The following PEX5L variants were observed in gnomAD, a reference collection of about 807,000 sequenced individuals.
PEX5L encodes PEX5-related protein.
Under a neutral mutation model 84.0 loss-of-function variants are expected in PEX5L, and 30 were observed. That is an observed-to-expected ratio of 0.36 (90% CI 0.27 to 0.48). The LOEUF (loss-of-function observed/expected upper bound fraction) is 0.48. PEX5L is among the 20% of genes least tolerant of loss of function. The pLI is 0.99. For missense variants in PEX5L, 533 were observed against 754.6 expected (o/e 0.71, Z 3.44); for synonymous variants, 270 against 283.1 (o/e 0.95, Z 0.46).
At chr3:179,964,061 AATTC>A (rs1353534347) in intron 2 of PEX5L, among the ~76,000 whole-genome samples, 1 of 152,046 alleles carries the variant, frequency 6.6e-6, no homozygotes, top group Admixed American at 6.6e-5. Flanking sequence ...ATTATCCATT[AATTC>A]ATTATTTCAT....
chr3:180,005,967 C>G (rs1356762929), intron 1 of PEX5L, among the ~76,000 whole-genome samples: 1 of 152,154 alleles, frequency 6.6e-6, no homozygotes, highest in East Asian at 1.9e-4. Context: ...CATGAAATAT[C>G]TAGGCATTAG....
chr3:179,988,463 G>A (rs1032316309), intron 1 of PEX5L, among the ~76,000 whole-genome samples: 1 of 151,658 alleles, frequency 6.6e-6, no homozygotes, highest in Admixed American at 6.6e-5. Context: ...ATTAAAGCAA[G>A]AAGCTAACCC....
At chr3:180,014,340 C>T (rs555154840) in intron 1 of PEX5L, among the ~76,000 whole-genome samples, 16 of 152,118 alleles carry the variant, frequency 1.1e-4, no homozygotes, top group African/African-American at 3.4e-4. Flanking sequence ...GGCGTGGTGG[C>T]GGGCGCCTGG....
chr3:179,879,755 C>T (rs1753603741), intron 5 of PEX5L, among the ~76,000 whole-genome samples, 174 bp downstream of exon 5: 1 of 152,192 alleles, frequency 6.6e-6, no homozygotes. Flanking sequence ...AAGTTGAGCT[C>T]CCCAATTGCT....
At position 179,823,537 on chromosome 3, in the gene PEX5L, C is replaced by A. The variant is rs1729280432; in HGVS notation, c.823-3561G>T. 2.0e-5 allele frequency among the ~76,000 whole-genome samples: 3 copies of A among 152,066 alleles called. No individual in the cohort carries two copies. The South Asian group carries it at 6.2e-4, about 32-fold the overall frequency. ...CCATCAGTTTTTAATGTACTTTTTACCATTTTCCAAATTTTCTATTGCTAG... is the reference window on the plus strand; with the variant it reads ...CCATCAGTTTTTAATGTACTTTTTAACATTTTCCAAATTTTCTATTGCTAG... On this transcript the variant is annotated intron_variant, in intron 8 of 14. Coordinates refer to ENST00000467460, the MANE Select transcript of PEX5L (RefSeq NM_016559.3).
intron 7 of PEX5L, among the ~76,000 whole-genome samples, chr3:179,869,492 C>T (rs984885530): frequency 1.4e-4 from 21 of 152,166 alleles, no homozygotes; most frequent in African/African-American, 5.1e-4. Context: ...CACCTCCAGT[C>T]ACTCTGATTA....
chr3:179,974,458 A>G (rs1013075764), intron 1 of PEX5L, among the ~76,000 whole-genome samples: 1 of 152,114 alleles, frequency 6.6e-6, no homozygotes, highest in African/African-American at 2.4e-5. Context: ...CCGAGGAGGG[A>G]GCATTAGTGC....
At chr3:179,814,076 C>T (rs1282326731) in intron 10 of PEX5L, among the ~76,000 whole-genome samples, 2 of 151,970 alleles carry the variant, frequency 1.3e-5, no homozygotes, top group African/African-American at 4.8e-5. Context: ...CCGCCTTAGC[C>T]TCCCAAAGTG....
At chr3:179,889,154 G>A (rs1009703467) in intron 3 of PEX5L, among the ~76,000 whole-genome samples, 4 of 152,104 alleles carry the variant, frequency 2.6e-5, no homozygotes, top group African/African-American at 9.7e-5. Flanking sequence ...GTGCTTTGGA[G>A]TATTACCAAA....
intron 8 of PEX5L, among the ~76,000 whole-genome samples, chr3:179,823,295 A>G (rs1729178433): frequency 6.6e-6 from 1 of 152,212 alleles, no homozygotes; most frequent in Non-Finnish European, 1.5e-5. Flanking sequence ...TAAGAAAATT[A>G]TGGTAAAACC....
intron 1 of PEX5L, among the ~76,000 whole-genome samples, chr3:179,986,949 C>A: frequency 6.6e-6 from 1 of 152,132 alleles, no homozygotes; most frequent in Non-Finnish European, 1.5e-5. Flanking sequence ...GACAAACTTT[C>A]AACTCAAGAA....
chr3:180,034,042 T>C (rs1240106777), intron 1 of PEX5L, among the ~76,000 whole-genome samples: 1 of 152,346 alleles, frequency 6.6e-6, no homozygotes, highest in South Asian at 2.1e-4. Flanking sequence ...TGAGAATTAA[T>C]AGACTTTATC....
At chr3:179,853,065 G>A (rs1577620250) in intron 8 of PEX5L, among the ~76,000 whole-genome samples, 1 of 152,162 alleles carries the variant, frequency 6.6e-6, no homozygotes, top group East Asian at 1.9e-4. Context: ...GAATAAAGAA[G>A]GAAGTCACAA....
intron 1 of PEX5L, among the ~76,000 whole-genome samples, chr3:180,023,792 A>G (rs2110516948): frequency 6.7e-6 from 1 of 149,970 alleles, no homozygotes; most frequent in African/African-American, 2.5e-5. Context: ...AGAGAGAGAG[A>G]GAGAGGGAGA....
At chr3:179,980,978 T>G (rs1309310302) in intron 1 of PEX5L, among the ~76,000 whole-genome samples, 4 of 150,964 alleles carry the variant, frequency 2.6e-5, no homozygotes, top group Non-Finnish European at 4.4e-5. Context: ...GAGCCGAGAT[T>G]GTACCACTGT....
chr3:179,815,938 T>A lies in PEX5L; in HGVS notation c.1006A>T (p.Arg336Trp). ...WPGAFEEGLK[R>W]LKEGDLPVTI... is the part of the protein sequence containing the mutation. ...ACTGGCAGATCCCCTTCCTTCAGCC[T>A]TTTTAAGCCTTCTTCAAATGCTCCA... Residue 336 changes from arginine to tryptophan, a missense_variant, in exon 10 of 15, where the codon AGG (arginine) becomes TGG (tryptophan). Physicochemically the swap from Arg to Trp is moderately radical, Grantham distance 101. Around this residue, in one of 8 missense-constraint regions of PEX5L, gnomAD observed 58 missense variants for 56.4 expected, o/e 1.03. Transcript: ENST00000467460. 6.2e-7 allele frequency: 1 copy of A among 1,614,036 alleles called. No homozygotes were observed.
chr3:179,961,558 A>T (rs1326927681), intron 2 of PEX5L, among the ~76,000 whole-genome samples: 1 of 152,166 alleles, frequency 6.6e-6, no homozygotes, highest in African/African-American at 2.4e-5. Flanking sequence ...GCAATGGCAG[A>T]GCGTGGGCAT....
intron 4 of PEX5L, among the ~76,000 whole-genome samples, chr3:179,884,769 T>A (rs750345602): frequency 1.8e-4 from 28 of 152,208 alleles, no homozygotes; most frequent in Non-Finnish European, 3.7e-4. Context: ...AGCTTCTAAT[T>A]ATTTGGCAGT....
chr3:179,995,893 C>T (rs527760155), intron 1 of PEX5L, among the ~76,000 whole-genome samples: 4 of 152,270 alleles, frequency 2.6e-5, no homozygotes, highest in East Asian at 1.9e-4. Flanking sequence ...GGAATGGGGA[C>T]GTGTGGGAGG....
Sources: allele counts gnomAD v4.1 joint callset (sites outside exome capture counted in the v4.1 genomes callset), GRCh38; gene constraint gnomAD v4.1.1; regional missense constraint gnomAD v4.1.1; transcripts MANE v1.5; gene names NCBI Gene and HGNC (gene_info 2026-07-23, HGNC 2026-07-21).